Variants in FGGY observed in about 807,000 individuals in gnomAD.
FGGY encodes the protein FGGY carbohydrate kinase domain containing, also known as FGGY carbohydrate kinase domain-containing protein.
A neutral mutation model predicts 71.3 loss-of-function variants in FGGY; 72 were observed. That is an observed-to-expected ratio of 1.01 (90% CI 0.84 to 1.23). FGGY has a LOEUF of 1.23. FGGY is among the 50% of genes most tolerant of loss of function. The probability of loss-of-function intolerance (pLI) is 0.00; values close to 1 mark genes in which losing one functional copy is unlikely to be tolerated. For missense variants in FGGY, 668 were observed against 682.3 expected (o/e 0.98, Z 0.23); for synonymous variants, 251 against 250.3 (o/e 1.00, Z -0.02).
intron 5 of FGGY, among the ~76,000 whole-genome samples, chr1:59,436,422 G>A (rs948464803): frequency 2.0e-5 from 3 of 152,082 alleles, no homozygotes; most frequent in African/African-American, 4.8e-5. Context: ...TATCATGGTT[G>A]TAACTCTATA....
At chr1:59,569,860 A>G (rs1251351344) in intron 8 of FGGY, among the ~76,000 whole-genome samples, 1 of 152,168 alleles carries the variant, frequency 6.6e-6, no homozygotes, top group Non-Finnish European at 1.5e-5. Context: ...CAGCTAATAA[A>G]TGATAGGGCC....
chr1:59,381,857 A>G (rs1008879867), intron 5 of FGGY, among the ~76,000 whole-genome samples: 6 of 152,210 alleles, frequency 3.9e-5, no homozygotes, highest in Admixed American at 6.5e-5. Context: ...AATAGAGCAT[A>G]TGCTACACAA....
chr1:59,477,936 G>A (rs1330633329), intron 6 of FGGY, among the ~76,000 whole-genome samples: 2 of 152,148 alleles, frequency 1.3e-5, no homozygotes, highest in African/African-American at 4.8e-5. Context: ...ATGGGGTTGG[G>A]GGTGGTATTT....
At chr1:59,587,530 A>AT (rs1331890366) in intron 8 of FGGY, among the ~76,000 whole-genome samples, 3 of 152,150 alleles carry the variant, frequency 2.0e-5, no homozygotes, top group Non-Finnish European at 4.4e-5. Flanking sequence ...CAAGCAGCCT[A>AT]ACTGGGAGGC....
chr1:59,563,405 TAG>T (rs1558362944), intron 8 of FGGY, among the ~76,000 whole-genome samples: 1 of 152,074 alleles, frequency 6.6e-6, no homozygotes. Context: ...ACACCAATAA[TAG>T]AGAGTCAAAT....
chr1:59,354,014 TC>T (rs1257614990), intron 4 of FGGY, among the ~76,000 whole-genome samples: 1 of 152,202 alleles, frequency 6.6e-6, no homozygotes, highest in Non-Finnish European at 1.5e-5. Flanking sequence ...CTGGTACTTT[TC>T]TAAGCATTTT....
At chr1:59,410,238 AG>A (rs2063404264) in intron 5 of FGGY, among the ~76,000 whole-genome samples, 2 of 152,252 alleles carry the variant, frequency 1.3e-5, no homozygotes, top group Admixed American at 1.3e-4. Flanking sequence ...AAACAAAGAT[AG>A]TAACAACAAT....
chr1:59,428,062 A>G (rs1890670), intron 5 of FGGY, among the ~76,000 whole-genome samples: 152,246 of 152,328 alleles, frequency 1, 76,082 homozygotes, highest in Non-Finnish European at 1. Context: ...AACTATTGGT[A>G]TTTGCCAAGT....
At chr1:59,514,999 CT>C (rs1244121716) in intron 7 of FGGY, among the ~76,000 whole-genome samples, 2 of 152,188 alleles carry the variant, frequency 1.3e-5, no homozygotes, top group African/African-American at 4.8e-5. Flanking sequence ...AGGGAAGAGA[CT>C]TGCCTTGTCT....
At chr1:59,448,180 T>C (rs1363589389) in intron 5 of FGGY, among the ~76,000 whole-genome samples, 1 of 152,228 alleles carries the variant, frequency 6.6e-6, no homozygotes, top group Non-Finnish European at 1.5e-5. Context: ...TGCTGTCATC[T>C]TCTATCCTGT....
At chr1:59,532,679 CAAAG>C in intron 7 of FGGY, among the ~76,000 whole-genome samples, 1 of 151,476 alleles carries the variant, frequency 6.6e-6, no homozygotes, top group Middle Eastern at 3.4e-3. Flanking sequence ...AGGATATCAA[CAAAG>C]AAAAAAACAT....
intron 9 of FGGY, among the ~76,000 whole-genome samples, chr1:59,621,976 G>A (rs75591174): frequency 0.027 from 4,052 of 151,692 alleles, 195 homozygotes; most frequent in African/African-American, 0.092. Context: ...GAGACTCAGG[G>A]TGTTAATTTT....
intron 14 of FGGY, among the ~76,000 whole-genome samples, chr1:59,686,662 T>C (rs1340057793): frequency 2.6e-5 from 4 of 152,128 alleles, no homozygotes; most frequent in Non-Finnish European, 5.9e-5. Flanking sequence ...AATATAGGTC[T>C]CCAGAAATTG....
At chr1:59,385,734 G>T (rs1047380533) in intron 5 of FGGY, among the ~76,000 whole-genome samples, 6 of 152,128 alleles carry the variant, frequency 3.9e-5, no homozygotes, top group African/African-American at 1.4e-4. Flanking sequence ...TGAAAATAAT[G>T]ATAAGATAAC....
chr1:59,424,798 T>G, intron 5 of FGGY, among the ~76,000 whole-genome samples: 1 of 152,272 alleles, frequency 6.6e-6, no homozygotes, highest in Non-Finnish European at 1.5e-5. Flanking sequence ...CAGTGCTGTT[T>G]AGGGTCAAAG....
chr1:59,754,592 A>G (rs958860926), intron 14 of FGGY, among the ~76,000 whole-genome samples: 2 of 152,024 alleles, frequency 1.3e-5, no homozygotes, highest in African/African-American at 2.4e-5. Context: ...CTAATTTTGT[A>G]TTTTTAGTAG....
intron 14 of FGGY, among the ~76,000 whole-genome samples, chr1:59,756,879 T>C (rs1361348478): frequency 3.3e-5 from 5 of 150,564 alleles, no homozygotes; most frequent in African/African-American, 1.2e-4. Flanking sequence ...GGGGCTCTCA[T>C]ATTCTGTATG....
intron 6 of FGGY, among the ~76,000 whole-genome samples, chr1:59,466,805 G>A (rs535268427): frequency 2.6e-5 from 4 of 152,272 alleles, no homozygotes; most frequent in Admixed American, 2.6e-4. Flanking sequence ...ACCACAATGA[G>A]ATACCATCTC....
intron 11 of FGGY, among the ~76,000 whole-genome samples, chr1:59,659,346 G>A (rs1050611244): frequency 2.0e-5 from 3 of 152,156 alleles, no homozygotes; most frequent in Non-Finnish European, 4.4e-5. Flanking sequence ...AGGGACCTAG[G>A]TAGACCACTC....
Sources: allele counts gnomAD v4.1 joint callset (sites outside exome capture counted in the v4.1 genomes callset), GRCh38; gene constraint gnomAD v4.1.1; transcripts MANE v1.5; gene names NCBI Gene and HGNC (gene_info 2026-07-23, HGNC 2026-07-21).